PTPRM: variants seen among roughly 807,000 people sequenced by gnomAD.
PTPRM encodes protein tyrosine phosphatase receptor type M.
Under a neutral mutation model 186.7 loss-of-function variants are expected in PTPRM, and 47 were observed. That is an observed-to-expected ratio of 0.25 (90% CI 0.20 to 0.32). The LOEUF (loss-of-function observed/expected upper bound fraction) is 0.32, where lower values mean the gene tolerates loss of function less well. Among genes scored for constraint, PTPRM ranks in the 10% least tolerant of loss-of-function variants. The probability of loss-of-function intolerance (pLI) is 1.00; values close to 1 mark genes in which losing one functional copy is unlikely to be tolerated. For missense variants in PTPRM, 1,494 were observed against 1,865.0 expected, an observed-to-expected ratio of 0.80 and a Z score of 3.66; for synonymous variants, 668 against 674.9, an observed-to-expected ratio of 0.99 and a Z score of 0.16.
chr18:8,402,036 G>A (rs2095874993), intron 32 of PTPRM, among the ~76,000 whole-genome samples: 1 of 152,194 alleles, frequency 6.6e-6, no homozygotes, highest in Admixed American at 6.5e-5. Flanking sequence ...TCAGGACCAA[G>A]GCCTAAACAT....
At position 7,799,875 on chromosome 18, in the gene PTPRM, A is replaced by G. The variant is rs533153488; in HGVS notation, c.196+25604A>G. On this transcript the variant is annotated intron_variant, in intron 2 of 32. Coordinates refer to ENST00000580170, the MANE Select transcript of PTPRM (RefSeq NM_001105244.2). The stretch of plus-strand genomic sequence containing the variant: ...ATCCTTATTTTGTTCCTGATCTTAA[A>G]AGGAAATATTTCCATGAAACATCAT... Among the ~76,000 whole-genome samples the G allele has an allele frequency of 2.0e-5, 3 of 152,330 alleles. No individual in the cohort carries two copies. The South Asian group carries it at 6.2e-4, about 32-fold the overall frequency.
intron 2 of PTPRM, among the ~76,000 whole-genome samples, chr18:7,798,674 C>CAAT (rs2043797616): frequency 6.6e-6 from 1 of 152,044 alleles, no homozygotes; most frequent in East Asian, 1.9e-4. Flanking sequence ...TATTTTTGTG[C>CAAT]ATGATGTGAA....
At chr18:7,672,846 A>T (rs192730608) in intron 1 of PTPRM, among the ~76,000 whole-genome samples, 1 of 152,316 alleles carries the variant, frequency 6.6e-6, no homozygotes, top group East Asian at 1.9e-4. Flanking sequence ...GGAACATAAA[A>T]GTCTAGTGAG....
In PTPRM at chr18:8,127,424, T is replaced by TTTG. The variant is rs1281083968; in HGVS notation, c.2167+12599_2167+12600insGTT. Among the ~76,000 whole-genome samples the TTTG allele has an allele frequency of 7.1e-4, 107 of 151,580 alleles. 1 individual carries two copies. Among genetic ancestry groups the TTTG allele is most frequent in the Non-Finnish European group, 3.2e-4 (22 of 67,822 alleles). On this transcript the variant is annotated intron_variant, in intron 13 of 32. Coordinates refer to ENST00000580170, the MANE Select transcript of PTPRM (RefSeq NM_001105244.2). ...CTCAGAGTCCAGCTGTATTGTTTTT[T>TTTG]TTTTTTTTTTTGATGGGATGAAGTT...
At chr18:7,738,424 C>G (rs538355675) in intron 1 of PTPRM, among the ~76,000 whole-genome samples, 1 of 151,870 alleles carries the variant, frequency 6.6e-6, no homozygotes, top group African/African-American at 2.4e-5. Context: ...TTTCATAGCC[C>G]AGTTTATTCA....
chr18:8,107,607 A>G (rs947589500), intron 11 of PTPRM, among the ~76,000 whole-genome samples: 1 of 152,238 alleles, frequency 6.6e-6, no homozygotes. Context: ...GCTCCTTGTT[A>G]TGAGTTACGG....
chr18:7,910,628 T>A (rs939991063), intron 4 of PTPRM, among the ~76,000 whole-genome samples: 2 of 152,148 alleles, frequency 1.3e-5, no homozygotes, highest in African/African-American at 4.8e-5. Context: ...TCTGCAAACA[T>A]CTGATTGGTT....
At chr18:8,323,870 A>G (rs1024147248) in intron 22 of PTPRM, among the ~76,000 whole-genome samples, 2 of 152,064 alleles carry the variant, frequency 1.3e-5, no homozygotes, top group Non-Finnish European at 2.9e-5. Context: ...TTCCTTCAAA[A>G]CTAATGAAAT....
chr18:8,274,387 A>C (rs1004044817), intron 19 of PTPRM, among the ~76,000 whole-genome samples: 4 of 152,222 alleles, frequency 2.6e-5, no homozygotes, highest in African/African-American at 9.6e-5. Context: ...TTTTTTAAAA[A>C]TCTGCCAATA....
At chr18:8,281,466 C>T (rs2094903245) in intron 19 of PTPRM, among the ~76,000 whole-genome samples, 1 of 152,168 alleles carries the variant, frequency 6.6e-6, no homozygotes, top group Non-Finnish European at 1.5e-5. Flanking sequence ...CTGTGCCGTG[C>T]AGTAGGATGG....
At chr18:8,063,355 C>G (rs1237392807) in intron 7 of PTPRM, among the ~76,000 whole-genome samples, 1 of 151,440 alleles carries the variant, frequency 6.6e-6, no homozygotes, top group Non-Finnish European at 1.5e-5. Context: ...GTCTGGCACT[C>G]CCTAGTGAGA....
At chr18:7,742,113 A>G (rs535740437) in intron 1 of PTPRM, 5 of 152,362 alleles carry the variant, frequency 3.3e-5, no homozygotes, top group African/African-American at 4.8e-5. Context: ...ATATTTAAAC[A>G]TTGGAATTAC....
At chr18:8,109,098 A>G (rs2091648584) in intron 11 of PTPRM, among the ~76,000 whole-genome samples, 1 of 152,224 alleles carries the variant, frequency 6.6e-6, no homozygotes, top group Admixed American at 6.5e-5. Flanking sequence ...GTGGATGGAA[A>G]AATTTTATGA....
chr18:8,064,547 T>A (rs1302912446), intron 7 of PTPRM, among the ~76,000 whole-genome samples: 1 of 152,212 alleles, frequency 6.6e-6, no homozygotes, highest in Non-Finnish European at 1.5e-5. Flanking sequence ...ACTATTAATG[T>A]GATATCTATG....
At chr18:7,632,513 C>G (rs1024473238) in intron 1 of PTPRM, among the ~76,000 whole-genome samples, 4 of 152,176 alleles carry the variant, frequency 2.6e-5, no homozygotes, top group African/African-American at 9.7e-5. Context: ...AACCCCAGTG[C>G]CTTAGCACTT....
At chr18:8,021,890 G>A (rs1017701951) in intron 7 of PTPRM, among the ~76,000 whole-genome samples, 2 of 151,852 alleles carry the variant, frequency 1.3e-5, no homozygotes, top group Non-Finnish European at 2.9e-5. Context: ...GCCTAATTTT[G>A]TTCTAACATC....
intron 2 of PTPRM, among the ~76,000 whole-genome samples, chr18:7,882,170 A>G (rs926445143): frequency 6.6e-6 from 1 of 152,204 alleles, no homozygotes; most frequent in South Asian, 2.1e-4. Context: ...GAAAATTTTT[A>G]TAGGAATTGG....
intron 13 of PTPRM, among the ~76,000 whole-genome samples, chr18:8,120,763 G>A (rs2092141865): frequency 6.6e-6 from 1 of 152,024 alleles, no homozygotes; most frequent in African/African-American, 2.4e-5. Context: ...CCAAAGTGCT[G>A]GGATTACTGG....
chr18:7,764,133 G>T (rs992161481), intron 1 of PTPRM, among the ~76,000 whole-genome samples: 2 of 152,038 alleles, frequency 1.3e-5, no homozygotes, highest in East Asian at 1.9e-4. Flanking sequence ...CTATTCTGTT[G>T]TCCTTTATCA....
Sources: allele counts gnomAD v4.1 joint callset (sites outside exome capture counted in the v4.1 genomes callset), GRCh38; gene constraint gnomAD v4.1.1; transcripts MANE v1.5; gene names NCBI Gene and HGNC (gene_info 2026-07-23, HGNC 2026-07-21).